The following HES2 variants were observed in gnomAD, a reference collection of about 807,000 sequenced individuals.
HES2 encodes transcription factor HES-2.
A neutral mutation model predicts 11.9 loss-of-function variants in HES2; 11 were observed. The ratio of observed to expected loss-of-function variants is 0.92; its 90% CI spans 0.58 to 1.53. The LOEUF (loss-of-function observed/expected upper bound fraction) is 1.53. Among genes scored for constraint, HES2 ranks in the 40% most tolerant of loss-of-function variants. The probability of loss-of-function intolerance (pLI) is 0.00; values close to 1 mark genes in which losing one functional copy is unlikely to be tolerated. For synonymous variants in HES2, 125 were observed against 122.8 expected (o/e 1.02, Z -0.12); for missense variants, 260 against 253.8 (o/e 1.02, Z -0.16).
Position 6,419,355 on chromosome 1 carries a change from G to A in HES2, c.142-15C>T. 6.3e-7 allele frequency: 1 copy of A among 1,597,510 alleles called. No homozygotes were observed. On this transcript the variant is annotated splice_polypyrimidine_tract_variant and intron_variant, in intron 2 of 3. Transcript: ENST00000377834. The surrounding 1 kb of genome is among the most constrained non-coding windows in gnomAD (Gnocchi z 8.1). ...CAGTTGGAGTTCTGCGCCCGGCCAC[G>A]AGGAAGAGCGACAGAGAACCACCAA...
chr1:6,416,137 TCAGA>T lies in HES2; in HGVS notation c.*2732_*2735del, dbSNP rs1450928708. On this transcript the variant is annotated 3_prime_UTR_variant, in exon 4 of 4. Coordinates refer to ENST00000377834, the MANE Select transcript of HES2 (RefSeq NM_019089.5). Reference sequence around the variant, plus strand: ...GCCTTTTCCCCAGCTGGGGCAATCATCAGACAGTCACATGGAGTCACAGAACCAT... The same window carrying T: ...GCCTTTTCCCCAGCTGGGGCAATCATCAGTCACATGGAGTCACAGAACCAT... 2 of 152,250 alleles carry T rather than the reference TCAGA, an allele frequency of 1.3e-5. No homozygotes were observed. The highest frequency in any genetic ancestry group is 4.8e-5 in the African/African-American group (2 of 41,462). 9.4% of individuals were successfully genotyped at this position (152,250 alleles called of 1,614,324 possible). A position where few individuals can be genotyped will look rare whatever the true frequency, so the allele number is the denominator to read the frequency against.
At position 6,418,663 on chromosome 1, in the gene HES2, AGCAGGGAC is replaced by A. The variant is rs1642875874; in HGVS notation, c.*202_*209del. The A allele has an allele frequency of 2.4e-6, 1 of 419,022 alleles. No individual in the cohort carries two copies. The highest frequency in any genetic ancestry group is 4.4e-5 in the Admixed American group (1 of 22,580). 26.0% of individuals were successfully genotyped at this position (419,022 alleles called of 1,614,324 possible). A position where few individuals can be genotyped will look rare whatever the true frequency, so the allele number is the denominator to read the frequency against. On this transcript the variant is annotated 3_prime_UTR_variant, in exon 4 of 4. Coordinates refer to ENST00000377834, the MANE Select transcript of HES2 (RefSeq NM_019089.5). ...TCTTCTCCAGCCAAGTTGGGGGTGA[AGCAGGGAC>A]GCTCCTTTTATTCCCTGAGCCGAGC...
Position 6,419,081 on chromosome 1 carries a change from C to G in HES2, c.314G>C (p.Arg105Pro). The G allele has an allele frequency of 6.0e-6, 9 of 1,500,480 alleles. No individual in the cohort carries two copies. Among genetic ancestry groups the G allele is most frequent in the Non-Finnish European group, 6.2e-6 (7 of 1,133,340 alleles). 92.9% of individuals were successfully genotyped at this position (1,500,480 alleles called of 1,614,324 possible). The change falls in exon 4 of 4, where the codon CGT (arginine) becomes CCT (proline). Residue 105 changes from arginine to proline, a missense_variant. Transcript: ENST00000377834. This position sits in a 1 kb window ranked among gnomAD's most constrained non-coding sequence, Gnocchi z 8.1. The part of the protein sequence containing the change: ...ARLARVLPAC[R>P]VLEPAVSARL... ...CGCGCTCACGGCGGGCTCCAGGACA[C>G]GGCAGGCGGGCAGCACGCGGGCCAG...
rs554046513 is a variant in HES2 at position 6,418,533 on chromosome 1, G to C, written c.*340C>G. On this transcript the variant is annotated 3_prime_UTR_variant, in exon 4 of 4. Transcript: ENST00000377834. Reference sequence around the variant, plus strand: ...TGGCTCTGGTCTGGTGCCAGTGCTGGGGTGGGTGTGTCGGCTGCCCACGCA... The same window carrying C: ...TGGCTCTGGTCTGGTGCCAGTGCTGCGGTGGGTGTGTCGGCTGCCCACGCA... 4.2e-4 allele frequency: 105 copies of C among 251,626 alleles called. No individual in the cohort carries two copies. Among genetic ancestry groups the C allele is most frequent in the African/African-American group, 2.2e-3 (98 of 45,006 alleles). 15.6% of individuals were successfully genotyped at this position (251,626 alleles called of 1,614,324 possible). A position where few individuals can be genotyped will look rare whatever the true frequency, so the allele number is the denominator to read the frequency against.
At position 6,417,991 on chromosome 1, in the gene HES2, T is replaced by A. The variant is rs2148494961; in HGVS notation, c.*882A>T. On this transcript the variant is annotated 3_prime_UTR_variant, in exon 4 of 4. Transcript: ENST00000377834. ...TGAAGATGTTTCCCATTCTTTAACC[T>A]GCTCCATCCCTCAAATTCCTGCTGC... The A allele has an allele frequency of 6.6e-6, 1 of 152,366 alleles. No individual in the cohort carries two copies. Among genetic ancestry groups the A allele is most frequent in the South Asian group, 2.1e-4 (1 of 4,824 alleles). 9.4% of individuals were successfully genotyped at this position (152,366 alleles called of 1,614,324 possible). A position where few individuals can be genotyped will look rare whatever the true frequency, so the allele number is the denominator to read the frequency against.
In HES2 at chr1:6,419,420, A is replaced by T; in HGVS notation, c.142-80T>A. 1 of 1,315,740 alleles carries T rather than the reference A, an allele frequency of 7.6e-7. No individual in the cohort carries two copies. Among genetic ancestry groups the T allele is most frequent in the Non-Finnish European group, 1.0e-6 (1 of 952,484 alleles). The allele number at this position is 1,315,740 out of a possible 1,614,324, so 81.5% of individuals were successfully genotyped here. The stretch of plus-strand genomic sequence containing the variant: ...CGGCTACCGTGCGCACCCTCGCTCT[A>T]GTCGGGAGCTGGGTGTGGGGCGCGC... On this transcript the variant is annotated intron_variant, in intron 2 of 3. Coordinates refer to ENST00000377834, the MANE Select transcript of HES2 (RefSeq NM_019089.5). The surrounding 1 kb of genome is among the most constrained non-coding windows in gnomAD (Gnocchi z 8.1).
chr1:6,419,020 G>T lies in HES2; in HGVS notation c.375C>A (p.Ser125Arg). 7.0e-7 allele frequency: 1 copy of T among 1,426,080 alleles called. No homozygotes were observed. 88.3% of individuals were successfully genotyped at this position (1,426,080 alleles called of 1,614,324 possible). A position where few individuals can be genotyped will look rare whatever the true frequency, so the allele number is the denominator to read the frequency against. ...CAGCGCGCCCGCCGTCCAGGGTGGCGCTGGCCGCTCTCCGCCACAGGTGCT... is the reference window on the plus strand; with the variant it reads ...CAGCGCGCCCGCCGTCCAGGGTGGCTCTGGCCGCTCTCCGCCACAGGTGCT... Reference protein sequence around the residue: ...LLEHLWRRAASATLDGGRAGD... With the variant: ...LLEHLWRRAARATLDGGRAGD... The change falls in exon 4 of 4, where the codon AGC becomes AGA. Residue 125 changes from serine to arginine, a missense_variant. Transcript: ENST00000377834. This position sits in a 1 kb window ranked among gnomAD's most constrained non-coding sequence, Gnocchi z 8.1.
At position 6,419,809 on chromosome 1, in the gene HES2, A is replaced by T; in HGVS notation, c.12T>A (p.Pro4=). 1 of 1,562,556 alleles carries T rather than the reference A, an allele frequency of 6.4e-7. No individual in the cohort carries two copies. Among genetic ancestry groups the T allele is most frequent in the Non-Finnish European group, 8.6e-7 (1 of 1,159,356 alleles). The change falls in exon 1 of 4, where the codon CCT becomes CCA. Residue 4 remains proline, a synonymous_variant. Transcript: ENST00000377834. The surrounding 1 kb of genome is among the most constrained non-coding windows in gnomAD (Gnocchi z 8.1). MGL[P]RRAGDAAELR... is the part of the protein sequence containing the mutation. ...GCTCCGCCGCGTCCCCTGCCCGGCG[A>T]GGCAGCCCCATGCTCCGCGGGGAAG...
Position 6,419,666 on chromosome 1 carries a change from G to A in HES2, c.82C>T (p.Arg28Cys). 1.3e-6 allele frequency: 2 copies of A among 1,554,796 alleles called. No individual in the cohort carries two copies. The highest frequency in any genetic ancestry group is 2.4e-5 in the East Asian group (1 of 41,216). Residue 28 changes from arginine (R) to cysteine (C), a missense_variant, in exon 2 of 4, where the codon CGC becomes TGC. Transcript: ENST00000377834. The surrounding 1 kb of genome is among the most constrained non-coding windows in gnomAD (Gnocchi z 8.1). ...AGCTGGCTCAGGCTCTGGTTGATGC[G>A]CGCGCGCCGGCGCTTCTCCAGCAGC... The part of the protein sequence containing the change: ...KPLLEKRRRA[R>C]INQSLSQLKG...
Position 6,418,824 on chromosome 1 carries a change from T to A in HES2, c.*49A>T. ...CCACCAAGAGCTTCAACCTGTCCAGTGCCCCAAGGTCCCAAGCAGTCGGCA... is the reference window on the plus strand; with the variant it reads ...CCACCAAGAGCTTCAACCTGTCCAGAGCCCCAAGGTCCCAAGCAGTCGGCA... On this transcript the variant is annotated 3_prime_UTR_variant, in exon 4 of 4. Coordinates refer to ENST00000377834, the MANE Select transcript of HES2 (RefSeq NM_019089.5). 1.6e-6 allele frequency: 2 copies of A among 1,285,286 alleles called. No individual in the cohort carries two copies. The highest frequency in any genetic ancestry group is 9.8e-7 in the Non-Finnish European group (1 of 1,022,136). 79.6% of individuals were successfully genotyped at this position (1,285,286 alleles called of 1,614,324 possible). A position where few individuals can be genotyped will look rare whatever the true frequency, so the allele number is the denominator to read the frequency against.
rs1359100328 is a variant in HES2 at position 6,419,090 on chromosome 1, G to C, written c.305C>G (p.Pro102Arg). 3.3e-6 allele frequency: 5 copies of C among 1,502,020 alleles called. No homozygotes were observed. The Admixed American group carries it at 1.1e-4, about 32-fold the overall frequency. The allele number at this position is 1,502,020 out of a possible 1,614,324, so 93.0% of individuals were successfully genotyped here. ...GGCGGGCTCCAGGACACGGCAGGCG[G>C]GCAGCACGCGGGCCAGGCGCGCCAC... ...ACVARLARVLPACRVLEPAVS... is the reference protein window; with the variant it reads ...ACVARLARVLRACRVLEPAVS... The change falls in exon 4 of 4, where the codon CCC becomes CGC. Residue 102 changes from proline to arginine, a missense_variant. Transcript: ENST00000377834. This position sits in a 1 kb window ranked among gnomAD's most constrained non-coding sequence, Gnocchi z 8.1.
In HES2 at chr1:6,419,121, C is replaced by G; in HGVS notation, c.274G>C (p.Ala92Pro). The change falls in exon 4 of 4, where the codon GCC (alanine) becomes CCC (proline). Residue 92 changes from alanine to proline, a missense_variant. Transcript: ENST00000377834. The surrounding 1 kb of genome is among the most constrained non-coding windows in gnomAD (Gnocchi z 8.1). ...PCDSYREGYS[A>P]CVARLARVLP... ...ACGCGGGCCAGGCGCGCCACACAGG[C>G]GCTGTAGCCCTCGCGGTAGCTGTCG... 24 of 1,518,386 alleles carry G rather than the reference C, an allele frequency of 1.6e-5. No individual in the cohort carries two copies. Among genetic ancestry groups the G allele is most frequent in the Non-Finnish European group, 2.0e-5 (23 of 1,140,638 alleles). The allele number at this position is 1,518,386 out of a possible 1,614,324, so 94.1% of individuals were successfully genotyped here. A position where few individuals can be genotyped will look rare whatever the true frequency, so the allele number is the denominator to read the frequency against.
At position 6,418,939 on chromosome 1, in the gene HES2, G is replaced by A; in HGVS notation, c.456C>T (p.Pro152=). The A allele has an allele frequency of 7.5e-7, 1 of 1,327,092 alleles. No individual in the cohort carries two copies. Among genetic ancestry groups the A allele is most frequent in the African/African-American group, 1.5e-5 (1 of 64,974 alleles). The allele number at this position is 1,327,092 out of a possible 1,614,324, so 82.2% of individuals were successfully genotyped here. Residue 152 remains proline (P), a synonymous_variant, in exon 4 of 4, where the codon CCC becomes CCT. Transcript: ENST00000377834. ...GCGGCGAGGGCACCGGAGCGGATGC[G>A]GGCTCTGGGGCAGACGCGGGCGCTG... ...PAPAPASAPE[P]ASAPVPSPPS...
At position 6,418,639 on chromosome 1, in the gene HES2, C is replaced by T; in HGVS notation, c.*234G>A. 1 of 399,546 alleles carries T rather than the reference C, an allele frequency of 2.5e-6. No individual in the cohort carries two copies. Among genetic ancestry groups the T allele is most frequent in the Non-Finnish European group, 4.4e-6 (1 of 229,250 alleles). 24.8% of individuals were successfully genotyped at this position (399,546 alleles called of 1,614,324 possible). On this transcript the variant is annotated 3_prime_UTR_variant, in exon 4 of 4. Coordinates refer to ENST00000377834, the MANE Select transcript of HES2 (RefSeq NM_019089.5). The stretch of plus-strand genomic sequence containing the variant: ...TTCACCCTGCTGCCTCTTGTCCTTT[C>T]TTCTCCAGCCAAGTTGGGGGTGAAG...
chr1:6,418,653 T>A lies in HES2; in HGVS notation c.*220A>T. On this transcript the variant is annotated 3_prime_UTR_variant, in exon 4 of 4. Transcript: ENST00000377834. ...TCTTGTCCTTTCTTCTCCAGCCAAG[T>A]TGGGGGTGAAGCAGGGACGCTCCTT... 2.5e-6 allele frequency: 1 copy of A among 404,898 alleles called. No individual in the cohort carries two copies. Among genetic ancestry groups the A allele is most frequent in the East Asian group, 3.6e-5 (1 of 27,626 alleles). The allele number at this position is 404,898 out of a possible 1,614,324, so 25.1% of individuals were successfully genotyped here. A position where few individuals can be genotyped will look rare whatever the true frequency, so the allele number is the denominator to read the frequency against.
In HES2 at chr1:6,418,760, G is replaced by A; in HGVS notation, c.*113C>T. 1 of 1,071,016 alleles carries A rather than the reference G, an allele frequency of 9.3e-7. No homozygotes were observed. Among genetic ancestry groups the A allele is most frequent in the Non-Finnish European group, 1.2e-6 (1 of 840,244 alleles). The allele number at this position is 1,071,016 out of a possible 1,614,324, so 66.3% of individuals were successfully genotyped here. A position where few individuals can be genotyped will look rare whatever the true frequency, so the allele number is the denominator to read the frequency against. On this transcript the variant is annotated 3_prime_UTR_variant, in exon 4 of 4. Coordinates refer to ENST00000377834, the MANE Select transcript of HES2 (RefSeq NM_019089.5). ...AACAGCCGGCTTCCGGCCTGGGTGT[G>A]GGTACTGGGCTGGCCCCTAATGATG...
rs1320500947 is a variant in HES2 at position 6,418,572 on chromosome 1, G to C, written c.*301C>G. On this transcript the variant is annotated 3_prime_UTR_variant, in exon 4 of 4. Transcript: ENST00000377834. ...GCTGCCCACGCAGCTGCGGGGTCCAGTTCCAGAACTATCTCCACCAGCTGG... is the reference window on the plus strand; with the variant it reads ...GCTGCCCACGCAGCTGCGGGGTCCACTTCCAGAACTATCTCCACCAGCTGG... 1.2e-5 allele frequency: 4 copies of C among 332,650 alleles called. No homozygotes were observed. The highest frequency in any genetic ancestry group is 2.2e-5 in the Non-Finnish European group (4 of 184,680). 20.6% of individuals were successfully genotyped at this position (332,650 alleles called of 1,614,324 possible).
In HES2 at chr1:6,419,342, T is replaced by G. The variant is rs1175392572; in HGVS notation, c.142-2A>C. On this transcript the variant is annotated splice_acceptor_variant, in intron 2 of 3. Transcript: ENST00000377834. LOFTEE classifies it high-confidence loss of function. This position sits in a 1 kb window ranked among gnomAD's most constrained non-coding sequence, Gnocchi z 8.1. The stretch of plus-strand genomic sequence containing the variant: ...CTCTAGCTTCGAGCAGTTGGAGTTC[T>G]GCGCCCGGCCACGAGGAAGAGCGAC... 6 of 1,608,204 alleles carry G rather than the reference T, an allele frequency of 3.7e-6. No individual in the cohort carries two copies. The highest frequency in any genetic ancestry group is 5.1e-6 in the Non-Finnish European group (6 of 1,177,946).
At position 6,419,157 on chromosome 1, in the gene HES2, C is replaced by A. The variant is rs962875375; in HGVS notation, c.242-4G>T. On this transcript the variant is annotated splice_polypyrimidine_tract_variant and splice_region_variant and intron_variant, in intron 3 of 3. Transcript: ENST00000377834. The surrounding 1 kb of genome is among the most constrained non-coding windows in gnomAD (Gnocchi z 8.1). ...TCGCGGTAGCTGTCGCAAGGCACTG[C>A]GGGCGGAGAGCCGCGTGAGGCGCGG... The A allele has an allele frequency of 3.9e-6, 6 of 1,545,364 alleles. No individual in the cohort carries two copies. In the African/African-American group the frequency reaches 4.2e-5, roughly 11 times the overall value.
Sources: gnomAD v4.1 joint callset for allele counts on GRCh38, gnomAD v4.1.1 for gene constraint, Gnocchi (gnomAD v3.1) non-coding constraint, MANE v1.5 for transcripts, NCBI Gene and HGNC (gene_info 2026-07-23, HGNC 2026-07-21) for gene names.